JMJD1C: variants seen among roughly 807,000 people sequenced by gnomAD.
The protein encoded by JMJD1C is jumonji domain-containing protein 1C.
In JMJD1C, 31 loss-of-function variants were observed where a neutral mutation model predicts 245.3. The observed-to-expected ratio is 0.13, with a 90% CI of 0.09 to 0.17. The LOEUF is 0.17. Ranked by LOEUF, JMJD1C falls within the 10% of genes least tolerant of loss-of-function variation. The probability of loss-of-function intolerance (pLI) is 1.00; values close to 1 mark genes in which losing one functional copy is unlikely to be tolerated. For synonymous variants in JMJD1C, 1,057 were observed against 1,017.4 expected (o/e 1.04, Z -0.74); for missense variants, 2,691 against 3,000.2 (o/e 0.90, Z 2.41).
chr10:63,499,423 C>A (rs1954470393), intron 1 of JMJD1C, among the ~76,000 whole-genome samples: 1 of 152,180 alleles, frequency 6.6e-6, no homozygotes, highest in Non-Finnish European at 1.5e-5. Flanking sequence ...CTGGCTTTGC[C>A]TTTGGTGACC....
At chr10:63,295,997 G>GTA in intron 2 of JMJD1C, among the ~76,000 whole-genome samples, 1 of 67,410 alleles carries the variant, frequency 1.5e-5, no homozygotes, top group Admixed American at 1.5e-4. Context: ...GTGTGTGTGT[G>GTA]TGTGTGTATA....
At chr10:63,327,224 T>C in intron 2 of JMJD1C, among the ~76,000 whole-genome samples, 1 of 152,068 alleles carries the variant, frequency 6.6e-6, no homozygotes. Context: ...GCCTACAATC[T>C]GAAAAGGGGC....
chr10:63,396,788 C>G (rs1948518079), intron 1 of JMJD1C, among the ~76,000 whole-genome samples: 1 of 151,104 alleles, frequency 6.6e-6, no homozygotes, highest in African/African-American at 2.4e-5. Context: ...GATATACTTC[C>G]TTAGATTCAG....
At chr10:63,420,305 A>C (rs759525407) in intron 1 of JMJD1C, among the ~76,000 whole-genome samples, 7 of 152,176 alleles carry the variant, frequency 4.6e-5, no homozygotes, top group Non-Finnish European at 8.8e-5. Flanking sequence ...TGTAAAACTA[A>C]ATGCCAACAA....
rs187373958 is a variant in JMJD1C, at chr10:63,382,708, G to A, written c.169-2226C>T. On this transcript the variant is annotated intron_variant, in intron 1 of 25. Coordinates refer to ENST00000399262, the MANE Select transcript of JMJD1C (RefSeq NM_032776.3). ...AGGACATTCAATCATTCAACCCTTC[G>A]CTCCCCTACTTTCATTCTTTTGCGC... The A allele has an allele frequency of 8.0e-5, 36 of 448,254 alleles. No homozygotes were observed. In the East Asian group the frequency reaches 1.7e-3, roughly 22 times the overall value. 27.8% of individuals were successfully genotyped at this position (448,254 alleles called of 1,614,324 possible).
chr10:63,463,775 A>AAT (rs1564947683), intron 1 of JMJD1C, among the ~76,000 whole-genome samples: 1 of 152,162 alleles, frequency 6.6e-6, no homozygotes, highest in Non-Finnish European at 1.5e-5. Flanking sequence ...AGTTTTGACA[A>AAT]ATATATATAT....
At chr10:63,179,783 G>GA (rs146298979) in intron 22 of JMJD1C, among the ~76,000 whole-genome samples, 2,588 of 132,910 alleles carry the variant, frequency 0.019, 43 homozygotes, top group African/African-American at 0.058. Flanking sequence ...CTTTAAAAAA[G>GA]AAAAAAAAAA....
intron 1 of JMJD1C, among the ~76,000 whole-genome samples, chr10:63,424,497 C>CTTT (rs59823871): frequency 0.019 from 1,983 of 103,372 alleles, 90 homozygotes; most frequent in African/African-American, 0.039. Flanking sequence ...ATTATTATTT[C>CTTT]TTTTTTTTTT....
intron 2 of JMJD1C, among the ~76,000 whole-genome samples, chr10:63,325,165 A>AT (rs1941363506): frequency 6.6e-6 from 1 of 152,224 alleles, no homozygotes; most frequent in African/African-American, 2.4e-5. Flanking sequence ...CTTTAAAATG[A>AT]TAATTATTAG....
chr10:63,197,604 C>A, intron 12 of JMJD1C, 41 bp from the exon 13 acceptor site: 2 of 1,468,110 alleles, frequency 1.4e-6, no homozygotes, highest in Non-Finnish European at 1.8e-6. Context: ...GGCAAACATG[C>A]TCTTTTCCAA....
chr10:63,210,501 G>A (rs1847192080), intron 8 of JMJD1C, among the ~76,000 whole-genome samples: 1 of 152,062 alleles, frequency 6.6e-6, no homozygotes, highest in Non-Finnish European at 1.5e-5. Context: ...GACAGTCATG[G>A]TCTAAGTCCA....
intron 2 of JMJD1C, among the ~76,000 whole-genome samples, chr10:63,351,997 A>G (rs1944404041): frequency 6.6e-6 from 1 of 152,206 alleles, no homozygotes. Flanking sequence ...GACCTAAATC[A>G]TTCTCAAAAA....
At chr10:63,270,435 C>T (rs1856149713) in intron 2 of JMJD1C, among the ~76,000 whole-genome samples, 1 of 151,642 alleles carries the variant, frequency 6.6e-6, no homozygotes, top group African/African-American at 2.4e-5. Context: ...TCCCAAAGTA[C>T]TGGGATTACA....
intron 1 of JMJD1C, among the ~76,000 whole-genome samples, chr10:63,448,424 TG>T (rs1432091180): frequency 1.3e-5 from 2 of 152,222 alleles, no homozygotes; most frequent in Admixed American, 6.5e-5. Context: ...CCCAAAGTGC[TG>T]GAATTACAGG....
At chr10:63,266,505 A>T (rs1452031428) in intron 2 of JMJD1C, among the ~76,000 whole-genome samples, 1 of 152,142 alleles carries the variant, frequency 6.6e-6, no homozygotes, top group Non-Finnish European at 1.5e-5. Context: ...ATTGACATGA[A>T]ATATGTAACA....
chr10:63,359,931 TAC>T (rs764100344), intron 2 of JMJD1C, among the ~76,000 whole-genome samples: 1 of 152,064 alleles, frequency 6.6e-6, no homozygotes, highest in African/African-American at 2.4e-5. Flanking sequence ...CATTTAAAAA[TAC>T]CTTTTGTTCC....
chr10:63,462,905 C>T (rs186747399), intron 1 of JMJD1C, among the ~76,000 whole-genome samples: 21 of 152,110 alleles, frequency 1.4e-4, no homozygotes, highest in Non-Finnish European at 2.8e-4. Flanking sequence ...ATTTAATTCA[C>T]GTGGCAATTC....
chr10:63,482,588 A>G (rs1589817228), intron 1 of JMJD1C, among the ~76,000 whole-genome samples: 2 of 152,310 alleles, frequency 1.3e-5, no homozygotes, highest in African/African-American at 4.8e-5. Context: ...GTGAGCTGAC[A>G]TCGCGCCACT....
At chr10:63,456,777 T>C (rs1952442965) in intron 1 of JMJD1C, among the ~76,000 whole-genome samples, 1 of 152,126 alleles carries the variant, frequency 6.6e-6, no homozygotes, top group Non-Finnish European at 1.5e-5. Context: ...CAGAAAATAC[T>C]GGAAGAAACC....
Sources: gnomAD v4.1 joint callset for allele counts (sites outside exome capture counted in the v4.1 genomes callset) on GRCh38, gnomAD v4.1.1 for gene constraint, MANE v1.5 for transcripts, NCBI Gene and HGNC (gene_info 2026-07-23, HGNC 2026-07-21) for gene names.